The following CERS3 variants were observed in gnomAD, a reference collection of about 807,000 sequenced individuals.
CERS3 encodes ceramide synthase 3, also known as LAG1 homolog, ceramide synthase 3.
CERS3 carries 33 observed loss-of-function variants against 50.3 expected under a neutral mutation model. The observed-to-expected ratio is 0.66, with a 90% CI of 0.50 to 0.88. The LOEUF (loss-of-function observed/expected upper bound fraction) is 0.88, where lower values mean the gene tolerates loss of function less well. Among genes scored for constraint, CERS3 ranks in the 40% least tolerant of loss-of-function variants. CERS3 has a pLI of 0.00. For synonymous variants in CERS3, 176 were observed against 155.2 expected (o/e 1.13, Z -0.99); for missense variants, 470 against 460.3 (o/e 1.02, Z -0.19).
At chr15:100,433,484 T>TA (rs2033236834) in intron 11 of CERS3, among the ~76,000 whole-genome samples, 1 of 152,200 alleles carries the variant, frequency 6.6e-6, no homozygotes, top group Admixed American at 6.5e-5. Flanking sequence ...TGGCAGCCCA[T>TA]ATCCAGTAAC....
At chr15:100,513,309 A>G (rs531336917) in intron 2 of CERS3, among the ~76,000 whole-genome samples, 3 of 152,272 alleles carry the variant, frequency 2.0e-5, no homozygotes, top group South Asian at 2.1e-4. Context: ...GTTGTGTCAG[A>G]GGCTTTTTCT....
rs909734782 is a variant in CERS3 at position 100,400,879 on chromosome 15, T to G, written c.*1834A>C. 3.3e-5 allele frequency: 5 copies of G among 152,160 alleles called. No homozygotes were observed. The highest frequency in any genetic ancestry group is 1.2e-4 in the African/African-American group (5 of 41,444). 9.4% of individuals were successfully genotyped at this position (152,160 alleles called of 1,614,324 possible). A position where few individuals can be genotyped will look rare whatever the true frequency, so the allele number is the denominator to read the frequency against. On this transcript the variant is annotated 3_prime_UTR_variant, in exon 12 of 12. Coordinates refer to ENST00000679737, the MANE Select transcript of CERS3 (RefSeq NM_001378789.1). Reference sequence around the variant, plus strand: ...TAAAGTGGGTGCAGGCATTTTGATTTATAATATCATATTATGCATATAATG... The same window carrying G: ...TAAAGTGGGTGCAGGCATTTTGATTGATAATATCATATTATGCATATAATG...
At chr15:100,479,024 G>A (rs2035220493) in intron 7 of CERS3, among the ~76,000 whole-genome samples, 1 of 151,984 alleles carries the variant, frequency 6.6e-6, no homozygotes, top group Non-Finnish European at 1.5e-5. Flanking sequence ...ATAAGTCAAG[G>A]ACATATACAG....
At chr15:100,418,140 G>A (rs567591793) in intron 11 of CERS3, among the ~76,000 whole-genome samples, 11 of 151,986 alleles carry the variant, frequency 7.2e-5, no homozygotes, top group East Asian at 1.9e-4. Flanking sequence ...TCTGAGCTAC[G>A]GGAGGACATT....
rs575550246 is a variant in CERS3 at position 100,442,028 on chromosome 15, A to G, written c.999+13865T>C. ...TATATCACCTCCCCTCCTCACACCC[A>G]GGCCGGCTTACAGTTTTGTTCCATG... On this transcript the variant is annotated intron_variant, in intron 11 of 11. Transcript: ENST00000679737. Among the ~76,000 whole-genome samples, 204 of 152,082 alleles carry G rather than the reference A, an allele frequency of 1.3e-3. 1 individual carries two copies. Among genetic ancestry groups the G allele is most frequent in the South Asian group, 0.012 (60 of 4,810 alleles).
chr15:100,543,533 C>CTTT (rs61663663), intron 1 of CERS3, among the ~76,000 whole-genome samples: 1 of 139,724 alleles, frequency 7.2e-6, no homozygotes, highest in Non-Finnish European at 1.6e-5. Flanking sequence ...TCCTTTCTTT[C>CTTT]TTTTTTTTTT....
intron 2 of CERS3, among the ~76,000 whole-genome samples, chr15:100,506,256 C>T (rs112762784): frequency 2.8e-4 from 42 of 152,074 alleles, no homozygotes; most frequent in African/African-American, 7.5e-4. Context: ...AAAAAAATGA[C>T]GAATAATCCA....
chr15:100,427,149 G>A (rs1471822380), intron 11 of CERS3, among the ~76,000 whole-genome samples: 10 of 152,132 alleles, frequency 6.6e-5, no homozygotes, highest in Non-Finnish European at 7.3e-5. Flanking sequence ...ACACAGCTGC[G>A]TATGTTTTGG....
intron 11 of CERS3, among the ~76,000 whole-genome samples, chr15:100,414,029 G>C (rs1279852581): frequency 6.6e-6 from 1 of 152,102 alleles, no homozygotes; most frequent in Non-Finnish European, 1.5e-5. Context: ...AGAAGAGCTG[G>C]TACCAATCCT....
At chr15:100,470,712 G>A (rs953179216) in intron 9 of CERS3, among the ~76,000 whole-genome samples, 1 of 152,186 alleles carries the variant, frequency 6.6e-6, no homozygotes, top group Non-Finnish European at 1.5e-5. Context: ...CAGCCCCTTT[G>A]CTTGCTAAGT....
chr15:100,438,534 TA>T (rs1446648216), intron 11 of CERS3, among the ~76,000 whole-genome samples: 4 of 152,220 alleles, frequency 2.6e-5, no homozygotes, highest in Admixed American at 2.0e-4. Context: ...AAGAATAATT[TA>T]AAAGGTGAAG....
chr15:100,485,233 T>C (rs757201080), intron 4 of CERS3, among the ~76,000 whole-genome samples: 1 of 152,218 alleles, frequency 6.6e-6, no homozygotes, highest in Non-Finnish European at 1.5e-5. Context: ...TTTAATTATA[T>C]AGAGAGCCTA....
intron 11 of CERS3, among the ~76,000 whole-genome samples, chr15:100,423,170 G>C (rs531841913): frequency 6.6e-6 from 1 of 152,220 alleles, no homozygotes; most frequent in East Asian, 1.9e-4. Flanking sequence ...ACTACTGGTG[G>C]GAATGTGAAT....
At chr15:100,527,815 G>A (rs1181388104) in intron 1 of CERS3, among the ~76,000 whole-genome samples, 1 of 152,220 alleles carries the variant, frequency 6.6e-6, no homozygotes, top group African/African-American at 2.4e-5. Context: ...GAAAAAGGCA[G>A]AAATATTGTG....
chr15:100,411,900 G>T (rs530253612), intron 11 of CERS3, among the ~76,000 whole-genome samples: 1 of 152,078 alleles, frequency 6.6e-6, no homozygotes, highest in Admixed American at 6.6e-5. Flanking sequence ...GGCCATTCAT[G>T]TATCTTCTTC....
rs552086618 is a variant in CERS3 at position 100,450,250 on chromosome 15, C to A, written c.999+5643G>T. ...TCTGGCCAACATGGTGAAACCCCTTCTTTACTAAAATACAAAAAATTAGCT... is the reference window on the plus strand; with the variant it reads ...TCTGGCCAACATGGTGAAACCCCTTATTTACTAAAATACAAAAAATTAGCT... On this transcript the variant is annotated intron_variant, in intron 11 of 11. Transcript: ENST00000679737. Among the ~76,000 whole-genome samples the A allele has an allele frequency of 7.4e-4, 113 of 151,962 alleles. 1 individual carries two copies. Among genetic ancestry groups the A allele is most frequent in the Non-Finnish European group, 1.2e-3 (79 of 67,968 alleles).
chr15:100,469,064 T>A (rs1354914259), intron 10 of CERS3, among the ~76,000 whole-genome samples: 2 of 152,192 alleles, frequency 1.3e-5, no homozygotes, highest in African/African-American at 2.4e-5. Flanking sequence ...GACAGTGACT[T>A]TTCATTGAGT....
intron 11 of CERS3, among the ~76,000 whole-genome samples, chr15:100,449,241 A>C (rs2034062461): frequency 6.6e-6 from 1 of 152,218 alleles, no homozygotes; most frequent in Admixed American, 6.5e-5. Context: ...ACTCACCTGC[A>C]CATGCAACCT....
intron 5 of CERS3, among the ~76,000 whole-genome samples, chr15:100,481,084 C>T (rs1233943509): frequency 2.0e-5 from 3 of 152,146 alleles, no homozygotes; most frequent in Non-Finnish European, 4.4e-5. Flanking sequence ...TAAGGCCTTA[C>T]AGTGCTTTCC....
Sources: allele counts gnomAD v4.1 joint callset (sites outside exome capture counted in the v4.1 genomes callset), GRCh38; gene constraint gnomAD v4.1.1; transcripts MANE v1.5; gene names NCBI Gene and HGNC (gene_info 2026-07-23, HGNC 2026-07-21).